The following CNTN5 variants were observed in gnomAD, a reference collection of about 807,000 sequenced individuals.
CNTN5 encodes the protein contactin 5.
In CNTN5, 77 loss-of-function variants were observed where a neutral mutation model predicts 129.1. The observed-to-expected ratio is 0.60, with a 90% CI of 0.50 to 0.72. The LOEUF is 0.72. Ranked by LOEUF, CNTN5 falls within the 30% of genes least tolerant of loss-of-function variation. The pLI is 0.00. For missense variants in CNTN5, 1,478 were observed against 1,328.8 expected (o/e 1.11, Z -1.75); for synonymous variants, 509 against 465.6 (o/e 1.09, Z -1.20).
chr11:99,487,137 G>C (rs1259656662), intron 2 of CNTN5, among the ~76,000 whole-genome samples: 1 of 152,180 alleles, frequency 6.6e-6, no homozygotes, highest in Admixed American at 6.5e-5. Flanking sequence ...GATCACAGAA[G>C]ACATTTAGTT....
intron 3 of CNTN5, among the ~76,000 whole-genome samples, chr11:99,672,278 A>G (rs1232104317): frequency 6.6e-6 from 1 of 152,102 alleles, no homozygotes; most frequent in Non-Finnish European, 1.5e-5. Context: ...TTAGGGAAGA[A>G]AGGAAGCAGA....
At chr11:99,477,685 C>A (rs919301091) in intron 2 of CNTN5, among the ~76,000 whole-genome samples, 2 of 151,684 alleles carry the variant, frequency 1.3e-5, no homozygotes, top group African/African-American at 4.8e-5. Flanking sequence ...TGCAGTGGCT[C>A]ACACCTGTAA....
intron 3 of CNTN5, among the ~76,000 whole-genome samples, chr11:99,572,745 T>G (rs1186241600): frequency 9.6e-6 from 1 of 104,654 alleles, no homozygotes; most frequent in Admixed American, 1.2e-4. Context: ...TTTTGTTAAT[T>G]TTTAATAATT....
chr11:100,229,791 T>C (rs1327673974), intron 16 of CNTN5, among the ~76,000 whole-genome samples: 1 of 152,232 alleles, frequency 6.6e-6, no homozygotes, highest in African/African-American at 2.4e-5. Flanking sequence ...TGGCCACTTC[T>C]GAATGTTTCC....
At chr11:99,172,777 A>T (rs1282675348) in intron 1 of CNTN5, among the ~76,000 whole-genome samples, 2 of 152,224 alleles carry the variant, frequency 1.3e-5, no homozygotes, top group African/African-American at 2.4e-5. Context: ...TAGAAGTGAC[A>T]CTTGAGCCAA....
intron 1 of CNTN5, among the ~76,000 whole-genome samples, chr11:99,321,091 G>T (rs1342791021): frequency 6.6e-6 from 1 of 151,986 alleles, no homozygotes; most frequent in East Asian, 1.9e-4. Flanking sequence ...TTTTGATGCT[G>T]CCAGCCTTTG....
At chr11:99,336,660 T>C (rs1866237591) in intron 2 of CNTN5, among the ~76,000 whole-genome samples, 1 of 151,974 alleles carries the variant, frequency 6.6e-6, no homozygotes, top group South Asian at 2.1e-4. Flanking sequence ...GTCATCATGG[T>C]GAGACTCCGT....
In CNTN5 at chr11:100,340,499, G is replaced by A; in HGVS notation, c.2767G>A (p.Ala923Thr). The change falls in exon 22 of 25, where the codon GCA (alanine) becomes ACA (threonine). Residue 923 changes from alanine to threonine, a missense_variant. Physicochemically the swap from Ala to Thr is moderately conservative, Grantham distance 58. Coordinates refer to ENST00000524871, the MANE Select transcript of CNTN5 (RefSeq NM_014361.4). ...GAAAGACATGGAACAGGAAGATACAGCAGAAACAGTCAAAACTAGAGGGAA... is the reference window on the plus strand; with the variant it reads ...GAAAGACATGGAACAGGAAGATACAACAGAAACAGTCAAAACTAGAGGGAA... Reference protein sequence around the residue: ...YWKDMEQEDTAETVKTRGNES... With the variant: ...YWKDMEQEDTTETVKTRGNES... The A allele has an allele frequency of 6.2e-7, 1 of 1,612,726 alleles. No individual in the cohort carries two copies. Among genetic ancestry groups the A allele is most frequent in the South Asian group, 1.1e-5 (1 of 90,860 alleles).
chr11:99,846,377 A>AAT (rs1273555269), intron 6 of CNTN5, among the ~76,000 whole-genome samples: 1 of 151,120 alleles, frequency 6.6e-6, no homozygotes, highest in Admixed American at 6.6e-5. Flanking sequence ...AAAAAAAAAA[A>AAT]AAAGAAGTGT....
At chr11:99,824,035 G>C (rs940934722) in intron 4 of CNTN5, among the ~76,000 whole-genome samples, 9 of 151,922 alleles carry the variant, frequency 5.9e-5, no homozygotes, top group Admixed American at 5.9e-4. Context: ...TACCACACTA[G>C]GACTCAATTA....
intron 2 of CNTN5, among the ~76,000 whole-genome samples, chr11:99,553,472 A>G (rs1948560969): frequency 6.6e-6 from 1 of 152,104 alleles, no homozygotes; most frequent in African/African-American, 2.4e-5. Flanking sequence ...CTATGTTTTC[A>G]AAAGAAACGT....
intron 3 of CNTN5, among the ~76,000 whole-genome samples, chr11:99,682,923 A>C (rs1005081065): frequency 6.6e-6 from 1 of 151,962 alleles, no homozygotes; most frequent in African/African-American, 2.4e-5. Flanking sequence ...AAATACAACC[A>C]CACACATACA....
intron 1 of CNTN5, among the ~76,000 whole-genome samples, chr11:99,135,641 C>CT (rs11419443): frequency 0.91 from 138,224 of 152,056 alleles, 63,081 homozygotes; most frequent in East Asian, 0.99. Flanking sequence ...CATAAAGTTT[C>CT]TTTTTTCCCA....
At position 100,358,632 on chromosome 11, in the gene CNTN5, G is replaced by A. The variant is rs1952577608; in HGVS notation, c.*2412G>A. On this transcript the variant is annotated 3_prime_UTR_variant, in exon 25 of 25. Coordinates refer to ENST00000524871, the MANE Select transcript of CNTN5 (RefSeq NM_014361.4). ...AAATCACTAAAGAGACTGTATTTTT[G>A]TATAATGTCCATTGAATATGAAGAA... 1 of 151,726 alleles carries A rather than the reference G, an allele frequency of 6.6e-6. No homozygotes were observed. Among genetic ancestry groups the A allele is most frequent in the African/African-American group, 2.4e-5 (1 of 41,366 alleles). The allele number at this position is 151,726 out of a possible 1,614,324, so 9.4% of individuals were successfully genotyped here.
chr11:99,905,522 A>G (rs1047758447), intron 6 of CNTN5, among the ~76,000 whole-genome samples: 4 of 152,186 alleles, frequency 2.6e-5, no homozygotes, highest in Admixed American at 6.6e-5. Context: ...TACCAGTACC[A>G]TGCTGTTTTG....
intron 8 of CNTN5, among the ~76,000 whole-genome samples, chr11:99,957,332 A>G (rs1950829988): frequency 6.6e-6 from 1 of 152,186 alleles, no homozygotes; most frequent in African/African-American, 2.4e-5. Context: ...TATATAACAT[A>G]TGTGTATGAA....
intron 1 of CNTN5, among the ~76,000 whole-genome samples, chr11:99,286,819 T>C (rs977556827): frequency 2.0e-5 from 3 of 152,178 alleles, no homozygotes; most frequent in African/African-American, 7.2e-5. Context: ...AGAAAAGGTT[T>C]AAACTAAATT....
At chr11:99,640,258 C>T (rs1028963625) in intron 3 of CNTN5, among the ~76,000 whole-genome samples, 1 of 152,096 alleles carries the variant, frequency 6.6e-6, no homozygotes, top group African/African-American at 2.4e-5. Context: ...CTACTGGTAC[C>T]GATACACTGT....
chr11:99,544,252 T>C (rs1352113259), intron 2 of CNTN5, among the ~76,000 whole-genome samples: 1 of 152,134 alleles, frequency 6.6e-6, no homozygotes, highest in Non-Finnish European at 1.5e-5. Flanking sequence ...TCATGAAATA[T>C]CTACCCTCAA....
Sources: allele counts gnomAD v4.1 joint callset (sites outside exome capture counted in the v4.1 genomes callset), GRCh38; gene constraint gnomAD v4.1.1; transcripts MANE v1.5; gene names NCBI Gene and HGNC (gene_info 2026-07-23, HGNC 2026-07-21).